The following NARS2 variants were observed in gnomAD, a reference collection of about 807,000 sequenced individuals.
NARS2 encodes asparaginyl-tRNA synthetase.
A neutral mutation model predicts 62.9 loss-of-function variants in NARS2; 60 were observed. That is an observed-to-expected ratio of 0.95 (90% CI 0.77 to 1.18). NARS2 has a LOEUF of 1.18. NARS2 is among the 50% of genes most tolerant of loss of function. The probability of loss-of-function intolerance (pLI) is 0.00; values close to 1 mark genes in which losing one functional copy is unlikely to be tolerated. For missense variants in NARS2, 619 were observed against 576.4 expected (o/e 1.07, Z -0.76); for synonymous variants, 196 against 200.0 (o/e 0.98, Z 0.17).
At chr11:78,568,122 A>G (rs1856803639) in intron 3 of NARS2, among the ~76,000 whole-genome samples, 1 of 152,240 alleles carries the variant, frequency 6.6e-6, no homozygotes, top group South Asian at 2.1e-4. Flanking sequence ...ACCCAACAGA[A>G]CTTTCTGTGA....
At chr11:78,528,400 A>T (rs908836575) in intron 6 of NARS2, among the ~76,000 whole-genome samples, 2 of 152,186 alleles carry the variant, frequency 1.3e-5, no homozygotes, top group African/African-American at 2.4e-5. Flanking sequence ...CTGACTTAAA[A>T]GATGTAATTT....
intron 7 of NARS2, among the ~76,000 whole-genome samples, chr11:78,491,423 G>C (rs769826655): frequency 2.6e-5 from 4 of 152,256 alleles, no homozygotes; most frequent in Non-Finnish European, 5.9e-5. Context: ...CCCTATATGG[G>C]AATCCAGGAA....
chr11:78,533,977 T>C (rs1353275570), intron 5 of NARS2, among the ~76,000 whole-genome samples: 1 of 152,220 alleles, frequency 6.6e-6, no homozygotes, highest in Non-Finnish European at 1.5e-5. Flanking sequence ...CATAGCTTGA[T>C]AGCTCATTTT....
intron 9 of NARS2, among the ~76,000 whole-genome samples, chr11:78,470,779 G>A (rs1316794086): frequency 1.3e-5 from 2 of 151,652 alleles, no homozygotes; most frequent in Non-Finnish European, 2.9e-5. Flanking sequence ...GAAAGGTTTT[G>A]CCAAAGATAT....
At chr11:78,470,181 A>G (rs1300549802) in intron 9 of NARS2, among the ~76,000 whole-genome samples, 1 of 152,194 alleles carries the variant, frequency 6.6e-6, no homozygotes, top group Non-Finnish European at 1.5e-5. Flanking sequence ...GCCTGGTAAT[A>G]TATTCTAAGC....
intron 6 of NARS2, among the ~76,000 whole-genome samples, chr11:78,499,302 C>T (rs1860194517): frequency 1.3e-5 from 2 of 151,964 alleles, no homozygotes. Flanking sequence ...ATGCTGATCC[C>T]CAAATTGCAC....
intron 6 of NARS2, among the ~76,000 whole-genome samples, chr11:78,495,936 G>C (rs1590774829): frequency 6.6e-6 from 1 of 152,154 alleles, no homozygotes; most frequent in Admixed American, 6.5e-5. Flanking sequence ...AGCAGCAATA[G>C]GGATTTTTAA....
intron 9 of NARS2, among the ~76,000 whole-genome samples, chr11:78,470,367 G>A (rs939643771): frequency 2.0e-5 from 3 of 152,126 alleles, no homozygotes; most frequent in Non-Finnish European, 2.9e-5. Flanking sequence ...TGCGGTTCCA[G>A]AGAAACCTAG....
rs144135053 is a variant in NARS2 at position 78,485,073 on chromosome 11, G to A, written c.823-6390C>T. Among the ~76,000 whole-genome samples the A allele has an allele frequency of 7.5e-3, 1,143 of 152,282 alleles. 13 individuals are homozygous for A. The highest frequency in any genetic ancestry group is 0.026 in the African/African-American group (1,061 of 41,556). ...ATGCAGCCATAAAAAGAATGAGTTCGTGTCCTTTGCAGGGACATGGATGAA... is the reference window on the plus strand; with the variant it reads ...ATGCAGCCATAAAAAGAATGAGTTCATGTCCTTTGCAGGGACATGGATGAA... On this transcript the variant is annotated intron_variant, in intron 7 of 13. Coordinates refer to ENST00000281038, the MANE Select transcript of NARS2 (RefSeq NM_024678.6).
intron 11 of NARS2, among the ~76,000 whole-genome samples, chr11:78,464,704 G>A (rs530977795): frequency 1.3e-5 from 2 of 152,114 alleles, no homozygotes; most frequent in Admixed American, 6.5e-5. Context: ...TAGACATAAA[G>A]GTTCTCCAAG....
At chr11:78,557,160 T>C (rs1856383496) in intron 5 of NARS2, among the ~76,000 whole-genome samples, 1 of 152,200 alleles carries the variant, frequency 6.6e-6, no homozygotes, top group Admixed American at 6.5e-5. Context: ...CAACAGAATA[T>C]TAGAAGTGCA....
chr11:78,517,183 G>A (rs1232340363), intron 6 of NARS2, among the ~76,000 whole-genome samples: 3 of 152,154 alleles, frequency 2.0e-5, no homozygotes. Context: ...GGAAGCAAAT[G>A]AGTGAAAGGA....
At chr11:78,457,610 T>C (rs912856552) in intron 11 of NARS2, among the ~76,000 whole-genome samples, 1 of 152,258 alleles carries the variant, frequency 6.6e-6, no homozygotes, top group Non-Finnish European at 1.5e-5. Flanking sequence ...AGAAGCTATA[T>C]ACTCTAGTAC....
At position 78,526,936 on chromosome 11, in the gene NARS2, T is replaced by A. The variant is rs1234815494; in HGVS notation, c.689+1906A>T. 1.8e-4 allele frequency among the ~76,000 whole-genome samples: 27 copies of A among 152,296 alleles called. 1 individual carries two copies. Among genetic ancestry groups the A allele is most frequent in the Non-Finnish European group, 7.4e-5 (5 of 68,006 alleles). On this transcript the variant is annotated intron_variant, in intron 6 of 13. Coordinates refer to ENST00000281038, the MANE Select transcript of NARS2 (RefSeq NM_024678.6). ...AAAAGGTGATGTCCTTTCAAGGTAT[T>A]ACACAATGAGGGGACAAAGGCCCAT... is the stretch of plus-strand genomic sequence containing the variant.
chr11:78,451,705 A>T (rs1241625728), intron 11 of NARS2, among the ~76,000 whole-genome samples: 1 of 152,272 alleles, frequency 6.6e-6, no homozygotes, highest in Non-Finnish European at 1.5e-5. Context: ...AGATTTTATC[A>T]TAGCTAACCA....
chr11:78,441,198 G>GCA, intron 12 of NARS2, 81 bp from the exon 13 acceptor site: 3 of 1,276,282 alleles, frequency 2.4e-6, no homozygotes, highest in Non-Finnish European at 3.3e-6. Flanking sequence ...CTGGGTGTGT[G>GCA]CAAAGAACTC....
chr11:78,499,319 T>A (rs1860195729), intron 6 of NARS2, among the ~76,000 whole-genome samples: 1 of 152,084 alleles, frequency 6.6e-6, no homozygotes, highest in Admixed American at 6.5e-5. Flanking sequence ...GCACTTTTTT[T>A]AAGAGATGGG....
chr11:78,567,473 G>A (rs528938163), intron 3 of NARS2, among the ~76,000 whole-genome samples: 7 of 152,146 alleles, frequency 4.6e-5, no homozygotes, highest in East Asian at 3.9e-4. Flanking sequence ...GCAACAAACC[G>A]TGAAAAGCAA....
chr11:78,554,712 T>G (rs1261687391), intron 5 of NARS2, among the ~76,000 whole-genome samples: 5 of 152,244 alleles, frequency 3.3e-5, no homozygotes, highest in African/African-American at 1.2e-4. Flanking sequence ...TCATGTTGTC[T>G]GCAAACAGAC....
Sources: allele counts gnomAD v4.1 joint callset (sites outside exome capture counted in the v4.1 genomes callset), GRCh38; gene constraint gnomAD v4.1.1; transcripts MANE v1.5; gene names NCBI Gene and HGNC (gene_info 2026-07-23, HGNC 2026-07-21).